The following FDFT1 variants were observed in gnomAD, a reference collection of about 807,000 sequenced individuals.
FDFT1 encodes farnesyl-diphosphate farnesyltransferase 1, also known as squalene synthase.
A neutral mutation model predicts 46.8 loss-of-function variants in FDFT1; 68 were observed. The observed-to-expected ratio is 1.45, with a 90% CI of 1.19 to 1.78. The LOEUF (loss-of-function observed/expected upper bound fraction) is 1.78. Ranked by LOEUF, FDFT1 falls within the 40% of genes most tolerant of loss-of-function variation. FDFT1 has a pLI of 0.00. For missense variants in FDFT1, 928 were observed against 524.4 expected (o/e 1.77, Z -7.52); for synonymous variants, 351 against 185.1 (o/e 1.90, Z -7.28).
At chr8:11,836,540 A>G (rs1384754619) in intron 7 of FDFT1, among the ~76,000 whole-genome samples, 2 of 152,230 alleles carry the variant, frequency 1.3e-5, no homozygotes, top group Non-Finnish European at 2.9e-5. Flanking sequence ...AAGCCAACTC[A>G]ACACATCCTT....
At chr8:11,814,067 A>AG (rs1377749260) in intron 3 of FDFT1, among the ~76,000 whole-genome samples, 1 of 152,204 alleles carries the variant, frequency 6.6e-6, no homozygotes, top group Non-Finnish European at 1.5e-5. Flanking sequence ...GAGGAGTCTA[A>AG]GCTCCTTCCC....
chr8:11,816,852 C>T (rs150535818), intron 3 of FDFT1, among the ~76,000 whole-genome samples: 1,700 of 152,176 alleles, frequency 0.011, 32 homozygotes, highest in African/African-American at 0.039. Flanking sequence ...AATTGAATAC[C>T]CTTTATTTCT....
At chr8:11,832,551 C>CAAGAAAAAAAAAAAAAAA (rs1810950097) in intron 7 of FDFT1, among the ~76,000 whole-genome samples, 1 of 36,358 alleles carries the variant, frequency 2.8e-5, no homozygotes, top group Non-Finnish European at 5.5e-5. Flanking sequence ...GACTTTGTCT[C>CAAGAAAAAAAAAAAAAAA]AAAAAAAAAA....
chr8:11,831,047 C>T (rs941844513), intron 6 of FDFT1, among the ~76,000 whole-genome samples: 1 of 152,160 alleles, frequency 6.6e-6, no homozygotes, highest in African/African-American at 2.4e-5. Flanking sequence ...AAATACTTTA[C>T]CTTTGAGCAC....
rs756951497 is a variant in FDFT1 at position 11,821,799 on chromosome 8, C to T, written c.431C>T (p.Ala144Val). The change falls in exon 4 of 8, where the codon GCC becomes GTC. Residue 144 changes from alanine (A) to valine (V), a missense_variant. Transcript: ENST00000220584. ...NLAEKYQTVIADICRRMGIGM... is the reference protein window; with the variant it reads ...NLAEKYQTVIVDICRRMGIGM... ...GCTGAGAAATACCAAACAGTGATTG[C>T]CGACATTTGCCGGAGAATGGGCATT... 6 of 1,613,504 alleles carry T rather than the reference C, an allele frequency of 3.7e-6. No homozygotes were observed. The highest frequency in any genetic ancestry group is 1.7e-6 in the Non-Finnish European group (2 of 1,179,586).
upstream of FDFT1, chr8:11,802,656 C>T (rs1806270237): frequency 3.3e-6 from 2 of 610,166 alleles, no homozygotes; most frequent in Non-Finnish European, 5.8e-6. Flanking sequence ...GCTAGCCCCG[C>T]TGGCGGCCGA....
chr8:11,797,525 TTAA>T (rs1805680442), upstream of FDFT1, among the ~76,000 whole-genome samples: 1 of 21,716 alleles, frequency 4.6e-5, no homozygotes, highest in Non-Finnish European at 1.3e-4. Context: ...TTTGTTGCAT[TTAA>T]AGAACAGATA....
chr8:11,797,414 T>C (rs1805669436), upstream of FDFT1, among the ~76,000 whole-genome samples: 1 of 152,140 alleles, frequency 6.6e-6, no homozygotes, highest in African/African-American at 2.4e-5. Flanking sequence ...AACATGTCTG[T>C]TTCTTCCTCT....
intron 1 of FDFT1, chr8:11,808,198 A>T (rs1302120373): frequency 9.5e-7 from 1 of 1,057,766 alleles, no homozygotes; most frequent in Non-Finnish European, 1.2e-6. Context: ...TCCAGGCCTT[A>T]TTGGGAAGAG....
At chr8:11,818,280 A>G (rs1286037150) in intron 3 of FDFT1, among the ~76,000 whole-genome samples, 2 of 152,158 alleles carry the variant, frequency 1.3e-5, no homozygotes, top group Non-Finnish European at 2.9e-5. Context: ...TTTTCTTCCA[A>G]TTCTGTGGTC....
chr8:11,799,208 A>G (rs1449334677), upstream of FDFT1, among the ~76,000 whole-genome samples: 1 of 152,188 alleles, frequency 6.6e-6, no homozygotes, highest in Non-Finnish European at 1.5e-5. Flanking sequence ...GTTTCTGTAA[A>G]CTGGCCAGAC....
Position 11,826,076 on chromosome 8 carries a change from C to G in FDFT1, c.563C>G (p.Ser188Ter). 6.2e-7 allele frequency: 1 copy of G among 1,606,388 alleles called. No individual in the cohort carries two copies. The highest frequency in any genetic ancestry group is 8.5e-7 in the Non-Finnish European group (1 of 1,174,068). The part of the protein sequence containing the change: ...LVGIGLSRLF[S>*]ASEFEDPLVG... ...GGAATTGGCCTTTCCCGTCTTTTCT[C>G]AGCCTCAGAGTTTGAAGACCCCTTA... is the stretch of plus-strand genomic sequence containing the variant. The change falls in exon 5 of 8, where the codon TCA becomes TGA. Residue 188 changes from serine to a stop codon, truncating the protein, a stop_gained. Transcript: ENST00000220584. LOFTEE classifies it high-confidence loss of function.
chr8:11,798,352 A>G (rs866612881), upstream of FDFT1, among the ~76,000 whole-genome samples: 5 of 152,082 alleles, frequency 3.3e-5, no homozygotes, highest in South Asian at 2.1e-4. Flanking sequence ...GAGCCACTGC[A>G]CCCAGCCCAG....
upstream of FDFT1, among the ~76,000 whole-genome samples, chr8:11,798,914 G>C (rs1805829306): frequency 6.6e-6 from 1 of 152,152 alleles, no homozygotes; most frequent in Non-Finnish European, 1.5e-5. Context: ...TCTTCTAAAG[G>C]GTTACAGCAT....
At chr8:11,803,249 A>C in intron 1 of FDFT1, 1 of 1,367,392 alleles carries the variant, frequency 7.3e-7, no homozygotes, top group South Asian at 1.2e-5. Context: ...AGGGTTACAC[A>C]TCTGAGGCAA....
rs1554531593 is a variant in FDFT1 at position 11,838,585 on chromosome 8, C to G, written c.1230C>G (p.Asp410Glu). Residue 410 changes from aspartate to glutamate, a missense_variant, in exon 8 of 8, where the codon GAC (aspartate) becomes GAG (glutamate). Coordinates refer to ENST00000220584, the MANE Select transcript of FDFT1 (RefSeq NM_004462.5). ...CCACTCTCTCCCAGGTAACAGAAGACTATGTTCAGACTGGAGAACACTGAT... is the reference window on the plus strand; with the variant it reads ...CCACTCTCTCCCAGGTAACAGAAGAGTATGTTCAGACTGGAGAACACTGAT... ...YLTTLSQVTEDYVQTGEH is the reference protein window; with the variant it reads ...YLTTLSQVTEEYVQTGEH The G allele has an allele frequency of 9.9e-6, 16 of 1,613,804 alleles. No homozygotes were observed. Among genetic ancestry groups the G allele is most frequent in the Middle Eastern group, 1.6e-4 (1 of 6,084 alleles).
chr8:11,809,718 A>G lies in FDFT1; in HGVS notation c.249A>G (p.Glu83=). The change falls in exon 3 of 8, where the codon GAA becomes GAG. Residue 83 remains glutamate, a synonymous_variant. Coordinates refer to ENST00000220584, the MANE Select transcript of FDFT1 (RefSeq NM_004462.5). ...YLVLRALDTL[E]DDMTISVEKK... ...TTCTCCGAGCTCTGGACACACTGGA[A>G]GATGACATGACCATCAGTGTGGAAA... is the stretch of plus-strand genomic sequence containing the variant. The G allele has an allele frequency of 1.2e-6, 2 of 1,614,154 alleles. No homozygotes were observed. Among genetic ancestry groups the G allele is most frequent in the Non-Finnish European group, 1.7e-6 (2 of 1,179,996 alleles).
intron 4 of FDFT1, among the ~76,000 whole-genome samples, chr8:11,822,085 G>T (rs1809332563): frequency 1.3e-5 from 2 of 152,210 alleles, no homozygotes; most frequent in Admixed American, 6.5e-5. Context: ...AGCCAGGCTA[G>T]GAGTAGGGTA....
chr8:11,814,458 CTT>C (rs1439326506), intron 3 of FDFT1, among the ~76,000 whole-genome samples: 2 of 151,846 alleles, frequency 1.3e-5, no homozygotes, highest in Admixed American at 6.5e-5. Context: ...GTTTTTCTAA[CTT>C]TTCTGTAAAC....
Sources: gnomAD v4.1 joint callset for allele counts (sites outside exome capture counted in the v4.1 genomes callset) on GRCh38, gnomAD v4.1.1 for gene constraint, MANE v1.5 for transcripts, NCBI Gene and HGNC (gene_info 2026-07-23, HGNC 2026-07-21) for gene names.